The following PRKN variants were observed in gnomAD, a reference collection of about 807,000 sequenced individuals.
PRKN encodes E3 ubiquitin-protein ligase parkin.
Under a neutral mutation model 59.5 loss-of-function variants are expected in PRKN, and 56 were observed. That is an observed-to-expected ratio of 0.94 (90% CI 0.76 to 1.18). The LOEUF (loss-of-function observed/expected upper bound fraction) is 1.18, where lower values mean the gene tolerates loss of function less well. Ranked by LOEUF, PRKN falls within the 50% of genes most tolerant of loss-of-function variation. PRKN has a pLI of 0.00. For synonymous variants in PRKN, 250 were observed against 222.1 expected, an observed-to-expected ratio of 1.13 and a Z score of -1.12; for missense variants, 657 against 596.4, an observed-to-expected ratio of 1.10 and a Z score of -1.06.
At chr6:162,364,677 G>A (rs1461642242) in intron 2 of PRKN, among the ~76,000 whole-genome samples, 1 of 152,096 alleles carries the variant, frequency 6.6e-6, no homozygotes, top group Non-Finnish European at 1.5e-5. Flanking sequence ...GCGGCGAGCT[G>A]GGCCCTCTCA....
chr6:161,728,746 G>A (rs1260336099), intron 7 of PRKN, among the ~76,000 whole-genome samples: 2 of 152,150 alleles, frequency 1.3e-5, no homozygotes, highest in African/African-American at 4.8e-5. Context: ...ATGATGGCAT[G>A]TAGGCTCCTG....
intron 2 of PRKN, among the ~76,000 whole-genome samples, chr6:162,343,961 A>G (rs1784293632): frequency 6.6e-6 from 1 of 152,186 alleles, no homozygotes; most frequent in Admixed American, 6.5e-5. Context: ...ACCCTAAGAA[A>G]CGTGGTCTGT....
At chr6:161,434,887 A>G (rs967371485) in intron 9 of PRKN, among the ~76,000 whole-genome samples, 2 of 152,210 alleles carry the variant, frequency 1.3e-5, no homozygotes, top group African/African-American at 2.4e-5. Context: ...TGGCGCGGAA[A>G]AACACCAAGG....
chr6:161,437,746 A>T (rs1012324930), intron 9 of PRKN, among the ~76,000 whole-genome samples: 4 of 152,216 alleles, frequency 2.6e-5, no homozygotes, highest in African/African-American at 9.7e-5. Flanking sequence ...CCTTTCTCAA[A>T]GTAGTAACAT....
At chr6:162,019,768 C>T (rs1347579769) in intron 5 of PRKN, among the ~76,000 whole-genome samples, 1 of 152,136 alleles carries the variant, frequency 6.6e-6, no homozygotes, top group Admixed American at 6.5e-5. Flanking sequence ...CCTGTAATCC[C>T]AGCACTTTGG....
At chr6:162,200,780 T>C (rs1320542065) in intron 4 of PRKN, among the ~76,000 whole-genome samples, 1 of 152,192 alleles carries the variant, frequency 6.6e-6, no homozygotes, top group Non-Finnish European at 1.5e-5. Flanking sequence ...CAGATCAAGA[T>C]ACAAAACATT....
chr6:161,676,400 G>T (rs1401260861), intron 7 of PRKN, among the ~76,000 whole-genome samples: 1 of 152,204 alleles, frequency 6.6e-6, no homozygotes, highest in Non-Finnish European at 1.5e-5. Context: ...AAATGCCTTG[G>T]AGCTCAGGTC....
At chr6:161,632,144 G>A (rs1321997231) in intron 7 of PRKN, among the ~76,000 whole-genome samples, 1 of 152,130 alleles carries the variant, frequency 6.6e-6, no homozygotes, top group East Asian at 1.9e-4. Flanking sequence ...ATGAGTCATG[G>A]CTCAACATGG....
chr6:162,712,287 A>G (rs1298363059), intron 1 of PRKN, among the ~76,000 whole-genome samples: 1 of 152,072 alleles, frequency 6.6e-6, no homozygotes. Flanking sequence ...CATTGTCCTG[A>G]CTGCTCTTTT....
intron 3 of PRKN, among the ~76,000 whole-genome samples, chr6:162,252,571 C>A (rs77028280): frequency 6.6e-6 from 1 of 152,124 alleles, no homozygotes; most frequent in Non-Finnish European, 1.5e-5. Flanking sequence ...ATGGAGCCAC[C>A]GTGAATGGGA....
At chr6:162,015,866 T>C (rs866448213) in intron 5 of PRKN, among the ~76,000 whole-genome samples, 12 of 152,304 alleles carry the variant, frequency 7.9e-5, no homozygotes, top group Non-Finnish European at 1.8e-4. Flanking sequence ...ATGGAAAGTA[T>C]CTACTCGCAG....
At chr6:162,694,201 C>A (rs952172126) in intron 1 of PRKN, among the ~76,000 whole-genome samples, 1 of 129,526 alleles carries the variant, frequency 7.7e-6, no homozygotes. Flanking sequence ...GAGCCGAGAT[C>A]GTGCCACTGC....
At chr6:162,426,740 C>T (rs759940393) in intron 2 of PRKN, among the ~76,000 whole-genome samples, 1 of 152,212 alleles carries the variant, frequency 6.6e-6, no homozygotes, top group Admixed American at 6.5e-5. Flanking sequence ...AGCCACCATA[C>T]CCAGCCAAAA....
intron 6 of PRKN, among the ~76,000 whole-genome samples, chr6:161,802,512 C>T (rs938158709): frequency 6.6e-6 from 1 of 151,988 alleles, no homozygotes; most frequent in Non-Finnish European, 1.5e-5. Context: ...ACATGCCCCA[C>T]ACACACCTGG....
intron 1 of PRKN, among the ~76,000 whole-genome samples, chr6:162,472,558 G>C (rs1367525258): frequency 1.6e-5 from 2 of 124,824 alleles, no homozygotes; most frequent in Non-Finnish European, 3.5e-5. Context: ...CGCAATCTCG[G>C]CTCACTGCAA....
intron 2 of PRKN, among the ~76,000 whole-genome samples, chr6:162,358,162 G>C (rs1377664508): frequency 6.6e-6 from 1 of 152,194 alleles, no homozygotes; most frequent in African/African-American, 2.4e-5. Flanking sequence ...GTATGTGTGT[G>C]TTGGGGGAGA....
intron 1 of PRKN, among the ~76,000 whole-genome samples, chr6:162,480,162 TG>T (rs2128181870): frequency 6.6e-6 from 1 of 152,332 alleles, no homozygotes; most frequent in African/African-American, 2.4e-5. Context: ...CATAATTGTA[TG>T]TGCTGGACTT....
Position 162,210,162 on chromosome 6 carries a change from C to A in PRKN, c.413-8910G>T, listed in dbSNP as rs147126327. On this transcript the variant is annotated intron_variant, in intron 3 of 11. Transcript: ENST00000366898. ...AGGCAGCACCTCTCTGGAGCCATGACCTCTTTGTCAAACCCTGGCCTGGCC... is the reference window on the plus strand; with the variant it reads ...AGGCAGCACCTCTCTGGAGCCATGAACTCTTTGTCAAACCCTGGCCTGGCC... 5.3e-3 allele frequency among the ~76,000 whole-genome samples: 644 copies of A among 121,660 alleles called. 1 individual carries two copies. Among genetic ancestry groups the A allele is most frequent in the Middle Eastern group, 9.7e-3 (2 of 206 alleles). The allele number at this position is 121,660 out of a possible 152,430, so 79.8% of individuals were successfully genotyped here.
intron 1 of PRKN, among the ~76,000 whole-genome samples, chr6:162,528,465 G>A (rs1778381665): frequency 6.6e-6 from 1 of 152,058 alleles, no homozygotes; most frequent in Non-Finnish European, 1.5e-5. Flanking sequence ...TCATTAAACT[G>A]CATTCAAGCC....
Sources: allele counts gnomAD v4.1 joint callset (sites outside exome capture counted in the v4.1 genomes callset), GRCh38; gene constraint gnomAD v4.1.1; transcripts MANE v1.5; gene names NCBI Gene and HGNC (gene_info 2026-07-23, HGNC 2026-07-21).